The following CRPPA variants were observed in gnomAD, a reference collection of about 807,000 sequenced individuals.
CRPPA encodes the protein CDP-L-ribitol pyrophosphorylase A, also known as D-ribitol-5-phosphate cytidylyltransferase.
CRPPA carries 43 observed loss-of-function variants against 52.0 expected under a neutral mutation model. The observed-to-expected ratio is 0.83, with a 90% confidence interval of 0.65 to 1.07. The LOEUF (loss-of-function observed/expected upper bound fraction) is 1.07. CRPPA is among the 50% of genes least tolerant of loss of function. CRPPA has a pLI of 0.00. For missense variants in CRPPA, 629 were observed against 551.7 expected, an observed-to-expected ratio of 1.14 and a Z score of -1.40; for synonymous variants, 250 against 203.5, an observed-to-expected ratio of 1.23 and a Z score of -1.94.
intron 3 of CRPPA, among the ~76,000 whole-genome samples, chr7:16,353,551 T>G (rs896683550): frequency 5.9e-5 from 9 of 152,134 alleles, no homozygotes; most frequent in African/African-American, 1.9e-4. Context: ...ACAGTTTAAA[T>G]TTTAATTTAA....
intron 9 of CRPPA, among the ~76,000 whole-genome samples, chr7:16,131,075 T>C (rs1054638606): frequency 5.3e-5 from 8 of 152,216 alleles, no homozygotes; most frequent in Non-Finnish European, 8.8e-5. Context: ...CAAATTTATG[T>C]TGTTTCTAAA....
chr7:16,099,908 T>C (rs137941765), intron 9 of CRPPA, among the ~76,000 whole-genome samples: 15 of 152,316 alleles, frequency 9.8e-5, no homozygotes, highest in Non-Finnish European at 1.8e-4. Flanking sequence ...TAGTTTTCTA[T>C]TGTCATGCTC....
In CRPPA at chr7:16,399,477, G is replaced by T. The variant is rs934870121; in HGVS notation, c.534+6584C>A. Among the ~76,000 whole-genome samples the T allele has an allele frequency of 4.7e-5, 7 of 149,694 alleles. No individual in the cohort carries two copies. The East Asian group carries it at 1.4e-3, about 30-fold the overall frequency. ...GTGACTGATACGAGATTGACAAGAC[G>T]TTTGATCAACACATGTGACTCGTGA... On this transcript the variant is annotated intron_variant, in intron 2 of 9. Coordinates refer to ENST00000407010, the MANE Select transcript of CRPPA (RefSeq NM_001101426.4).
At chr7:16,254,051 G>C (rs201421358) in intron 8 of CRPPA, among the ~76,000 whole-genome samples, 117 of 152,138 alleles carry the variant, frequency 7.7e-4, no homozygotes, top group Non-Finnish European at 1.3e-3. Flanking sequence ...CCATCTCACA[G>C]CAGTTAGAAT....
intron 9 of CRPPA, among the ~76,000 whole-genome samples, chr7:16,104,115 T>G (rs944339843): frequency 5.3e-5 from 8 of 152,200 alleles, no homozygotes; most frequent in African/African-American, 1.9e-4. Flanking sequence ...TCCAAAGTGT[T>G]AATCTCAAAG....
chr7:16,385,875 G>A (rs554112835), intron 2 of CRPPA, among the ~76,000 whole-genome samples: 6 of 152,310 alleles, frequency 3.9e-5, no homozygotes, highest in Admixed American at 3.9e-4. Flanking sequence ...AGATGGGCAG[G>A]TGCAGTAGCC....
At chr7:16,241,973 G>GGGGGT (rs1783125781) in intron 8 of CRPPA, among the ~76,000 whole-genome samples, 1 of 106,580 alleles carries the variant, frequency 9.4e-6, no homozygotes, top group Non-Finnish European at 1.8e-5. Flanking sequence ...TTTTTTGTTG[G>GGGGGT]GGGGAGATAG....
intron 9 of CRPPA, among the ~76,000 whole-genome samples, chr7:16,209,735 T>G (rs1782079533): frequency 1.3e-5 from 2 of 152,242 alleles, no homozygotes; most frequent in Non-Finnish European, 2.9e-5. Context: ...CTTTTAGGAA[T>G]GTATATAAGA....
chr7:16,405,239 T>C (rs1477857905), intron 2 of CRPPA, among the ~76,000 whole-genome samples: 2 of 152,108 alleles, frequency 1.3e-5, no homozygotes, highest in Non-Finnish European at 2.9e-5. Context: ...TTATTATTAA[T>C]ACCCTTTAAG....
intron 9 of CRPPA, among the ~76,000 whole-genome samples, chr7:16,118,587 T>A (rs541235021): frequency 6.6e-6 from 1 of 152,250 alleles, no homozygotes; most frequent in East Asian, 1.9e-4. Context: ...AGTGAGATAA[T>A]CTGTGAATCA....
chr7:16,247,150 T>C (rs1032707966), intron 8 of CRPPA, among the ~76,000 whole-genome samples: 1 of 152,264 alleles, frequency 6.6e-6, no homozygotes, highest in Non-Finnish European at 1.5e-5. Flanking sequence ...TTTTCTGTTA[T>C]GAAGACAATT....
chr7:16,251,627 A>G (rs1468316426), intron 8 of CRPPA, among the ~76,000 whole-genome samples: 2 of 152,208 alleles, frequency 1.3e-5, no homozygotes, highest in African/African-American at 4.8e-5. Flanking sequence ...CTGAATGACT[A>G]CTGGGTAAAT....
chr7:16,414,066 A>AG (rs995673241), intron 1 of CRPPA, among the ~76,000 whole-genome samples: 1 of 152,198 alleles, frequency 6.6e-6, no homozygotes, highest in African/African-American at 2.4e-5. Flanking sequence ...GAAGATTTAT[A>AG]GGGGAGGCCG....
chr7:16,421,199 G>A lies in CRPPA; in HGVS notation c.124C>T (p.Arg42Cys), dbSNP rs1415518757. 3 of 1,341,726 alleles carry A rather than the reference G, an allele frequency of 2.2e-6. No individual in the cohort carries two copies. Among genetic ancestry groups the A allele is most frequent in the African/African-American group, 1.5e-5 (1 of 65,414 alleles). 83.1% of individuals were successfully genotyped at this position (1,341,726 alleles called of 1,614,324 possible). ...LQSVAGTEPG[R>C]HPQAVAAVLP... is the part of the protein sequence containing the mutation. ...ACAGCTGCCACGGCTTGCGGGTGGC[G>A]CCCGGGCTCGGTCCCGGCCACGCTC... Residue 42 changes from arginine to cysteine, a missense_variant, in exon 1 of 10, where the codon CGC becomes TGC. Arg to Cys is a radical substitution (Grantham distance 180). Transcript: ENST00000407010.
intron 9 of CRPPA, among the ~76,000 whole-genome samples, chr7:16,118,464 G>A (rs143518406): frequency 2.6e-4 from 39 of 152,288 alleles, no homozygotes; most frequent in Admixed American, 2.3e-3. Context: ...CTTAAAAATT[G>A]TGCTCTTGAA....
At chr7:16,253,274 A>G (rs1783511638) in intron 8 of CRPPA, among the ~76,000 whole-genome samples, 1 of 152,170 alleles carries the variant, frequency 6.6e-6, no homozygotes, top group African/African-American at 2.4e-5. Context: ...ACACTGCTTT[A>G]AATGTGTCCC....
At chr7:16,354,265 T>A (rs1018314765) in intron 3 of CRPPA, among the ~76,000 whole-genome samples, 2 of 152,210 alleles carry the variant, frequency 1.3e-5, no homozygotes, top group Admixed American at 1.3e-4. Flanking sequence ...AAAACTGGTT[T>A]ATTGAAAATG....
intron 3 of CRPPA, among the ~76,000 whole-genome samples, chr7:16,372,751 A>C (rs1199438487): frequency 6.6e-6 from 1 of 152,224 alleles, no homozygotes; most frequent in Non-Finnish European, 1.5e-5. Flanking sequence ...GAATGGCAGA[A>C]TGGATAAAGC....
intron 5 of CRPPA, 57 bp from the exon 6 acceptor site, chr7:16,278,283 G>A (rs1397987266): frequency 1.2e-6 from 1 of 850,072 alleles, no homozygotes; most frequent in Non-Finnish European, 1.8e-6. Flanking sequence ...CAAGGCCCTA[G>A]GATGCTGAAA....
Sources: allele counts gnomAD v4.1 joint callset (sites outside exome capture counted in the v4.1 genomes callset), GRCh38; gene constraint gnomAD v4.1.1; transcripts MANE v1.5; gene names NCBI Gene and HGNC (gene_info 2026-07-23, HGNC 2026-07-21).